Variants in IFT43 observed in about 807,000 individuals in gnomAD.
The protein encoded by IFT43 is intraflagellar transport protein 43 homolog.
In IFT43, 33 loss-of-function variants were observed where a neutral mutation model predicts 32.3. The observed-to-expected ratio is 1.02, with a 90% CI of 0.77 to 1.37. The LOEUF is 1.37. IFT43 is among the 40% of genes most tolerant of loss of function. The pLI is 0.00. For synonymous variants in IFT43, 93 were observed against 98.2 expected (o/e 0.95, Z 0.31); for missense variants, 274 against 265.9 (o/e 1.03, Z -0.21).
chr14:76,001,286 T>C (rs865904283), intron 2 of IFT43, among the ~76,000 whole-genome samples: 4 of 152,314 alleles, frequency 2.6e-5, no homozygotes, highest in Middle Eastern at 3.4e-3. Flanking sequence ...CAAATACTTA[T>C]AATTGGAAAA....
chr14:76,002,964 C>T (rs11623887), intron 2 of IFT43, among the ~76,000 whole-genome samples: 46,040 of 152,074 alleles, frequency 0.3, 8,176 homozygotes, highest in East Asian at 0.41. Context: ...GCTTAGAAAC[C>T]GTAAGGTTGT....
At chr14:76,036,514 C>T (rs1176087533) in intron 3 of IFT43, among the ~76,000 whole-genome samples, 1 of 150,380 alleles carries the variant, frequency 6.6e-6, no homozygotes, top group Non-Finnish European at 1.5e-5. Flanking sequence ...AAGCAATTCT[C>T]CCACCTCAGC....
chr14:76,008,227 T>A lies in IFT43; in HGVS notation c.148-14100T>A, dbSNP rs187679120. 3.6e-3 allele frequency among the ~76,000 whole-genome samples: 547 copies of A among 152,294 alleles called. 4 individuals are homozygous for A. Among genetic ancestry groups the A allele is most frequent in the African/African-American group, 0.013 (528 of 41,558 alleles). ...ATCTCTCTCTTCAGGGAAGCTGGAA[T>A]AGATAATTGGATCCTTAGAATGAAA... On this transcript the variant is annotated intron_variant, in intron 2 of 8. Coordinates refer to ENST00000314067, the MANE Select transcript of IFT43 (RefSeq NM_001102564.3).
Position 76,082,650 on chromosome 14 carries a change from C to A in IFT43, c.402C>A (p.Asp134Glu). The A allele has an allele frequency of 6.2e-7, 1 of 1,614,068 alleles. No homozygotes were observed. ...IQIKRVMTYR[D>E]LDNDLMKYSA... is the part of the protein sequence containing the mutation. ...TAAAGCGGGTGATGACCTACCGTGA[C>A]CTGGACAATGACCTCATGAAGTACT... The change falls in exon 7 of 9, where the codon GAC becomes GAA. Residue 134 changes from aspartate to glutamate, a missense_variant. By Grantham distance (45) the Asp-to-Glu change is conservative. Coordinates refer to ENST00000314067, the MANE Select transcript of IFT43 (RefSeq NM_001102564.3).
chr14:76,052,775 G>A (rs2036939419), intron 3 of IFT43, among the ~76,000 whole-genome samples: 1 of 152,170 alleles, frequency 6.6e-6, no homozygotes, highest in Non-Finnish European at 1.5e-5. Flanking sequence ...TTGCCATGAT[G>A]CACACTGTTG....
intron 2 of IFT43, among the ~76,000 whole-genome samples, chr14:76,005,436 A>G (rs192734810): frequency 6.6e-6 from 1 of 152,306 alleles, no homozygotes; most frequent in East Asian, 1.9e-4. Flanking sequence ...GTGGAACTCA[A>G]ACTCCAAACT....
chr14:76,007,432 C>T (rs1302060247), intron 2 of IFT43, among the ~76,000 whole-genome samples: 2 of 151,996 alleles, frequency 1.3e-5, no homozygotes, highest in African/African-American at 4.8e-5. Flanking sequence ...CCATTATCAC[C>T]CTTGAGGAGT....
chr14:76,003,737 C>T (rs551184993), intron 2 of IFT43, among the ~76,000 whole-genome samples: 5 of 152,010 alleles, frequency 3.3e-5, no homozygotes, highest in South Asian at 2.1e-4. Flanking sequence ...TATTTTAAAA[C>T]TATTTATATT....
chr14:76,015,224 A>T (rs2036163515), intron 2 of IFT43, among the ~76,000 whole-genome samples: 1 of 152,178 alleles, frequency 6.6e-6, no homozygotes, highest in African/African-American at 2.4e-5. Context: ...GTGTTTACAA[A>T]AATATTGCTA....
intron 3 of IFT43, among the ~76,000 whole-genome samples, chr14:76,037,040 T>C (rs1241059960): frequency 6.6e-6 from 1 of 152,238 alleles, no homozygotes; most frequent in Non-Finnish European, 1.5e-5. Context: ...GTTGCCCAGG[T>C]GGCCATGATG....
intron 2 of IFT43, among the ~76,000 whole-genome samples, chr14:76,006,936 G>A (rs1351234883): frequency 6.6e-6 from 1 of 150,428 alleles, no homozygotes; most frequent in African/African-American, 2.5e-5. Context: ...TGGCCCACTG[G>A]AGCCTCTATC....
intron 4 of IFT43, 187 bp from the exon 5 acceptor site, chr14:76,059,140 G>A (rs2037082483): frequency 3.3e-6 from 5 of 1,504,176 alleles, no homozygotes; most frequent in Non-Finnish European, 4.4e-6. Context: ...ATAGTGCATC[G>A]CACAGCCTGT....
At chr14:76,070,232 T>C (rs1224142515) in intron 5 of IFT43, among the ~76,000 whole-genome samples, 1 of 152,084 alleles carries the variant, frequency 6.6e-6, no homozygotes, top group African/African-American at 2.4e-5. Context: ...GTCGTCCCCC[T>C]GTCTCTCCCT....
intron 1 of IFT43, 37 bp from the exon 2 acceptor site, chr14:75,988,848 C>G: frequency 6.2e-7 from 1 of 1,613,284 alleles, no homozygotes; most frequent in Non-Finnish European, 8.5e-7. Context: ...GCCCAAATGA[C>G]ATTTGGGTCA....
intron 5 of IFT43, among the ~76,000 whole-genome samples, chr14:76,075,911 A>G (rs189752250): frequency 1.3e-5 from 2 of 152,358 alleles, no homozygotes; most frequent in East Asian, 1.9e-4. Flanking sequence ...TTAAGTTGTC[A>G]TCTCCTAAAA....
chr14:76,046,254 G>A (rs999198370), intron 3 of IFT43, among the ~76,000 whole-genome samples: 2 of 152,172 alleles, frequency 1.3e-5, no homozygotes, highest in African/African-American at 2.4e-5. Flanking sequence ...AATTAATTGT[G>A]TTGTGGAAAG....
At chr14:76,082,271 T>C in intron 5 of IFT43, 24 bp from the exon 6 acceptor site, 1 of 1,608,686 alleles carries the variant, frequency 6.2e-7, no homozygotes, top group Non-Finnish European at 8.5e-7. Context: ...CTGCAGACAG[T>C]GTTGCCTCTG....
chr14:76,054,544 A>C (rs1303625532), intron 3 of IFT43, among the ~76,000 whole-genome samples: 1 of 152,236 alleles, frequency 6.6e-6, no homozygotes, highest in East Asian at 1.9e-4. Context: ...CTGTGTATAA[A>C]ATTGTGCTGC....
chr14:75,990,929 G>A (rs901324678), intron 2 of IFT43, among the ~76,000 whole-genome samples: 4 of 152,110 alleles, frequency 2.6e-5, no homozygotes, highest in Non-Finnish European at 2.9e-5. Context: ...TAAGTGCCAG[G>A]CACCATTTTG....
Sources: allele counts gnomAD v4.1 joint callset (sites outside exome capture counted in the v4.1 genomes callset), GRCh38; gene constraint gnomAD v4.1.1; transcripts MANE v1.5; gene names NCBI Gene and HGNC (gene_info 2026-07-23, HGNC 2026-07-21).